EXOC6B: variants seen among roughly 807,000 people sequenced by gnomAD.
The protein encoded by EXOC6B is SEC15 homolog B.
A neutral mutation model predicts 113.5 loss-of-function variants in EXOC6B; 54 were observed. The observed-to-expected ratio is 0.48, with a 90% CI of 0.38 to 0.60. EXOC6B has a LOEUF of 0.60. Among genes scored for constraint, EXOC6B ranks in the 20% least tolerant of loss-of-function variants. The pLI, the probability that EXOC6B is intolerant of heterozygous loss-of-function variation, is 0.00. For synonymous variants in EXOC6B, 357 were observed against 339.0 expected (o/e 1.05, Z -0.58); for missense variants, 797 against 977.5 (o/e 0.82, Z 2.46).
At position 72,319,845 on chromosome 2, in the gene EXOC6B, T is replaced by G. The variant is rs149736489; in HGVS notation, c.2196+15102A>C. On this transcript the variant is annotated intron_variant, in intron 20 of 21. Coordinates refer to ENST00000272427, the MANE Select transcript of EXOC6B (RefSeq NM_015189.3). ...CCTAATGAAAATATCAGCAAGCTTT[T>G]TTTTTTTTGAGACGAAGTCTCGCTC... Among the ~76,000 whole-genome samples the G allele has an allele frequency of 7.2e-3, 1,101 of 152,232 alleles. 15 individuals are homozygous for G. Among genetic ancestry groups the G allele is most frequent in the African/African-American group, 0.024 (1,004 of 41,540 alleles).
At chr2:72,582,118 C>T (rs1217949638) in intron 6 of EXOC6B, among the ~76,000 whole-genome samples, 1 of 152,100 alleles carries the variant, frequency 6.6e-6, no homozygotes, top group Non-Finnish European at 1.5e-5. Context: ...CCCTGCCCAA[C>T]ATTCTCGGTA....
intron 20 of EXOC6B, among the ~76,000 whole-genome samples, chr2:72,192,337 C>T (rs1022135743): frequency 1.3e-5 from 2 of 152,176 alleles, no homozygotes; most frequent in African/African-American, 4.8e-5. Context: ...CTTCTCATAT[C>T]AAACATTCAA....
intron 20 of EXOC6B, among the ~76,000 whole-genome samples, chr2:72,220,836 A>AT (rs961551334): frequency 6.6e-6 from 1 of 152,082 alleles, no homozygotes; most frequent in Non-Finnish European, 1.5e-5. Context: ...TTCCTTATTA[A>AT]TTTTTTTAAT....
chr2:72,261,806 G>T (rs1226697902), intron 20 of EXOC6B, among the ~76,000 whole-genome samples: 2 of 152,074 alleles, frequency 1.3e-5, no homozygotes, highest in Non-Finnish European at 2.9e-5. Context: ...TTTTAACAAG[G>T]TTTCTCAGCC....
Position 72,797,076 on chromosome 2 carries a change from A to G in EXOC6B, c.113+28722T>C, listed in dbSNP as rs189705888. ...GAGGAAGGGAACTTTAGATAAAAGGAATGGGAGTCATAGGAATTGGGATCT... is the reference window on the plus strand; with the variant it reads ...GAGGAAGGGAACTTTAGATAAAAGGGATGGGAGTCATAGGAATTGGGATCT... On this transcript the variant is annotated intron_variant, in intron 1 of 21. Transcript: ENST00000272427. Among the ~76,000 whole-genome samples the G allele has an allele frequency of 2.9e-3, 441 of 152,330 alleles. 1 individual carries two copies. Among genetic ancestry groups the G allele is most frequent in the African/African-American group, 0.01 (424 of 41,572 alleles).
chr2:72,509,390 G>A (rs1259225052), intron 11 of EXOC6B, among the ~76,000 whole-genome samples: 2 of 152,178 alleles, frequency 1.3e-5, no homozygotes, highest in Non-Finnish European at 1.5e-5. Context: ...GTTATTGGAA[G>A]TGATGAGTCA....
intron 20 of EXOC6B, among the ~76,000 whole-genome samples, chr2:72,208,858 A>G (rs1045054541): frequency 1.3e-5 from 2 of 152,192 alleles, no homozygotes; most frequent in Admixed American, 1.3e-4. Context: ...TCTACTTTCT[A>G]GAAACTCTTA....
At chr2:72,657,175 G>A (rs1299203798) in intron 6 of EXOC6B, among the ~76,000 whole-genome samples, 2 of 149,168 alleles carry the variant, frequency 1.3e-5, no homozygotes, top group Non-Finnish European at 3.0e-5. Context: ...TTTAAGACTA[G>A]ATCATCAATA....
At chr2:72,330,834 C>G in intron 20 of EXOC6B, among the ~76,000 whole-genome samples, 1 of 152,082 alleles carries the variant, frequency 6.6e-6, no homozygotes. Flanking sequence ...AAGGAGTTTG[C>G]GCATTTCCTA....
chr2:72,382,523 T>TTGG (rs1430380736), intron 18 of EXOC6B, among the ~76,000 whole-genome samples: 6 of 152,170 alleles, frequency 3.9e-5, no homozygotes, highest in Non-Finnish European at 8.8e-5. Flanking sequence ...GGGGTCTTTT[T>TTGG]TGGTTCTATA....
chr2:72,561,622 T>C (rs1422936485), intron 7 of EXOC6B, among the ~76,000 whole-genome samples: 1 of 152,124 alleles, frequency 6.6e-6, no homozygotes, highest in Admixed American at 6.5e-5. Context: ...AGAATTTCCC[T>C]AGAAATCTGT....
intron 7 of EXOC6B, among the ~76,000 whole-genome samples, chr2:72,560,466 A>G (rs1458608824): frequency 1.3e-5 from 2 of 152,110 alleles, no homozygotes; most frequent in Non-Finnish European, 2.9e-5. Flanking sequence ...GCACATCTAA[A>G]TTGGGTAGGG....
At chr2:72,804,715 C>T (rs966525502) in intron 1 of EXOC6B, among the ~76,000 whole-genome samples, 7 of 152,074 alleles carry the variant, frequency 4.6e-5, no homozygotes, top group Admixed American at 6.5e-5. Flanking sequence ...CCTGCCTCAG[C>T]CTCCCGAGTA....
intron 1 of EXOC6B, among the ~76,000 whole-genome samples, chr2:72,777,008 A>T (rs553653797): frequency 2.2e-4 from 33 of 152,278 alleles, no homozygotes; most frequent in Non-Finnish European, 4.3e-4. Flanking sequence ...TGGGAGGCTG[A>T]GGTGGTAGGA....
chr2:72,349,445 T>A (rs751583586), intron 19 of EXOC6B, among the ~76,000 whole-genome samples: 3 of 152,192 alleles, frequency 2.0e-5, no homozygotes, highest in Non-Finnish European at 4.4e-5. Flanking sequence ...GTTGGAGCTT[T>A]GAGCCCCATC....
At chr2:72,647,352 C>G (rs925040091) in intron 6 of EXOC6B, among the ~76,000 whole-genome samples, 2 of 152,068 alleles carry the variant, frequency 1.3e-5, no homozygotes, top group African/African-American at 2.4e-5. Flanking sequence ...GCCATACTGC[C>G]CAAGGTAATT....
intron 6 of EXOC6B, among the ~76,000 whole-genome samples, chr2:72,581,804 G>A (rs2103867357): frequency 6.6e-6 from 1 of 152,276 alleles, no homozygotes; most frequent in East Asian, 1.9e-4. Context: ...TAGTGCTTGT[G>A]CCTTCCACTG....
intron 6 of EXOC6B, among the ~76,000 whole-genome samples, chr2:72,642,082 G>A (rs1573539322): frequency 6.6e-6 from 1 of 152,138 alleles, no homozygotes; most frequent in African/African-American, 2.4e-5. Context: ...CCCATCTGTA[G>A]GTCACCAGCA....
rs1700630079 is a variant in EXOC6B, at chr2:72,506,998, T to C, written c.1167+6134A>G. On this transcript the variant is annotated intron_variant, in intron 11 of 21. Coordinates refer to ENST00000272427, the MANE Select transcript of EXOC6B (RefSeq NM_015189.3). ...TTAATATATTGCTAAATTTACTAAG[T>C]GAAGTAGATTATGTAAGATCTTATG... Among the ~76,000 whole-genome samples the C allele has an allele frequency of 2.6e-5, 4 of 152,196 alleles. No homozygotes were observed. The South Asian group carries it at 8.3e-4, about 32-fold the overall frequency.
Sources: gnomAD v4.1 joint callset for allele counts (sites outside exome capture counted in the v4.1 genomes callset) on GRCh38, gnomAD v4.1.1 for gene constraint, MANE v1.5 for transcripts, NCBI Gene and HGNC (gene_info 2026-07-23, HGNC 2026-07-21) for gene names.